RASA1: variants seen among roughly 807,000 people sequenced by gnomAD.
The protein encoded by RASA1 is ras GTPase-activating protein 1.
Under a neutral mutation model 132.2 loss-of-function variants are expected in RASA1, and 25 were observed. The ratio of observed to expected loss-of-function variants is 0.19; its 90% CI spans 0.14 to 0.26. RASA1 has a LOEUF of 0.26. Ranked by LOEUF, RASA1 falls within the 10% of genes least tolerant of loss-of-function variation. The probability of loss-of-function intolerance (pLI) is 1.00; values close to 1 mark genes in which losing one functional copy is unlikely to be tolerated. For synonymous variants in RASA1, 477 were observed against 449.9 expected, an observed-to-expected ratio of 1.06 and a Z score of -0.76; for missense variants, 964 against 1,299.2, an observed-to-expected ratio of 0.74 and a Z score of 3.97.
intron 9 of RASA1, among the ~76,000 whole-genome samples, chr5:87,361,233 A>G (rs1395552370): frequency 6.6e-6 from 1 of 152,214 alleles, no homozygotes. Flanking sequence ...TTTATGTATA[A>G]AAAACAGGTG....
chr5:87,270,483 G>T (rs1258134122), intron 1 of RASA1, among the ~76,000 whole-genome samples: 2 of 150,488 alleles, frequency 1.3e-5, no homozygotes, highest in African/African-American at 4.9e-5. Flanking sequence ...TAGTAGCTGG[G>T]ATTACAGGCG....
In RASA1 at chr5:87,380,399, G is replaced by C. The variant is rs1291595041; in HGVS notation, c.2604-110G>C. 3 of 1,003,138 alleles carry C rather than the reference G, an allele frequency of 3.0e-6. No individual in the cohort carries two copies. In the African/African-American group the frequency reaches 4.8e-5, roughly 16 times the overall value. The allele number at this position is 1,003,138 out of a possible 1,614,324, so 62.1% of individuals were successfully genotyped here. Reference sequence around the variant, plus strand: ...TGGCAAAATACTTTTTTGGGTAAAAGGCCAGTTTTATTGAACTGTGGTATA... The same window carrying C: ...TGGCAAAATACTTTTTTGGGTAAAACGCCAGTTTTATTGAACTGTGGTATA... On this transcript the variant is annotated intron_variant, in intron 19 of 24. Coordinates refer to ENST00000274376, the MANE Select transcript of RASA1 (RefSeq NM_002890.3).
intron 1 of RASA1, among the ~76,000 whole-genome samples, chr5:87,307,803 G>C (rs1297915045): frequency 6.6e-6 from 1 of 151,626 alleles, no homozygotes; most frequent in Non-Finnish European, 1.5e-5. Context: ...TGATTTACTT[G>C]TTTGTCTTCT....
chr5:87,355,955 G>A (rs1759617157), intron 9 of RASA1, among the ~76,000 whole-genome samples: 1 of 152,194 alleles, frequency 6.6e-6, no homozygotes, highest in Non-Finnish European at 1.5e-5. Context: ...AGATGTGACT[G>A]AATTACTCCA....
chr5:87,335,419 GTTTTTTTTTTT>G (rs34986349), intron 4 of RASA1, among the ~76,000 whole-genome samples: 1 of 72,924 alleles, frequency 1.4e-5, no homozygotes, highest in African/African-American at 5.5e-5. Context: ...AAAGAATGAG[GTTTTTTTTTTT>G]TTTTTTTTTT....
At chr5:87,293,396 T>C (rs943790632) in intron 1 of RASA1, among the ~76,000 whole-genome samples, 1 of 152,200 alleles carries the variant, frequency 6.6e-6, no homozygotes, top group African/African-American at 2.4e-5. Flanking sequence ...CTGACGTGAT[T>C]GATTACATTG....
At chr5:87,271,452 CTTTT>C (rs201918763) in intron 1 of RASA1, among the ~76,000 whole-genome samples, 12 of 38,224 alleles carry the variant, frequency 3.1e-4, no homozygotes, top group Admixed American at 7.6e-4. Flanking sequence ...TAGTAGACTT[CTTTT>C]TTTTTTTTTT....
intron 1 of RASA1, among the ~76,000 whole-genome samples, chr5:87,286,864 A>G (rs1258406419): frequency 2.7e-5 from 4 of 150,474 alleles, no homozygotes; most frequent in Non-Finnish European, 5.9e-5. Flanking sequence ...CCATATACAT[A>G]TACACCATAT....
chr5:87,354,727 T>C (rs1002726083), intron 9 of RASA1, among the ~76,000 whole-genome samples: 2 of 152,156 alleles, frequency 1.3e-5, no homozygotes, highest in East Asian at 3.8e-4. Flanking sequence ...AAAGCCAAAA[T>C]AGGCTGAAAG....
At chr5:87,366,362 T>C (rs1358935788) in intron 11 of RASA1, 5 of 433,948 alleles carry the variant, frequency 1.2e-5, no homozygotes, top group East Asian at 7.0e-5. Flanking sequence ...TGCAGTTAGA[T>C]TGGAAGTCTG....
intron 6 of RASA1, among the ~76,000 whole-genome samples, chr5:87,342,162 CTTTTTTT>C (rs531793273): frequency 7.2e-6 from 1 of 139,788 alleles, no homozygotes; most frequent in African/African-American, 2.6e-5. Context: ...GTTATTTTTT[CTTTTTTT>C]TTTTTTTTGA....
At chr5:87,321,581 A>C (rs533793282) in intron 1 of RASA1, among the ~76,000 whole-genome samples, 51 of 152,342 alleles carry the variant, frequency 3.3e-4, no homozygotes, top group South Asian at 8.3e-4. Flanking sequence ...GTTTATTATG[A>C]AGGATATGTT....
intron 6 of RASA1, among the ~76,000 whole-genome samples, chr5:87,342,646 G>C (rs889315875): frequency 6.6e-6 from 1 of 152,148 alleles, no homozygotes; most frequent in African/African-American, 2.4e-5. Flanking sequence ...AACACTGTAC[G>C]TGTGGTAATA....
At chr5:87,281,462 G>A (rs369367811) in intron 1 of RASA1, among the ~76,000 whole-genome samples, 1 of 152,154 alleles carries the variant, frequency 6.6e-6, no homozygotes, top group South Asian at 2.1e-4. Context: ...GTGTGAAGTA[G>A]TAACTGGTTT....
chr5:87,338,652 A>G (rs987017930), intron 5 of RASA1, among the ~76,000 whole-genome samples: 9 of 150,262 alleles, frequency 6.0e-5, no homozygotes, highest in Non-Finnish European at 1.0e-4. Flanking sequence ...GATGACAGGC[A>G]TGAGCCACAG....
intron 21 of RASA1, among the ~76,000 whole-genome samples, chr5:87,384,288 A>C (rs1163464014): frequency 6.6e-6 from 1 of 152,072 alleles, no homozygotes; most frequent in Non-Finnish European, 1.5e-5. Flanking sequence ...ACTTCAGTAA[A>C]CCTGATCCAG....
intron 9 of RASA1, among the ~76,000 whole-genome samples, chr5:87,361,417 T>C (rs1219694201): frequency 6.6e-6 from 1 of 152,196 alleles, no homozygotes; most frequent in Non-Finnish European, 1.5e-5. Context: ...GATAGAGGAT[T>C]ATGAAAATCC....
At position 87,285,618 on chromosome 5, in the gene RASA1, C is replaced by CTT. The variant is rs548410947; in HGVS notation, c.539+16644_539+16645dup. Among the ~76,000 whole-genome samples the CTT allele has an allele frequency of 3.8e-3, 474 of 126,020 alleles. 7 individuals carry two copies. The highest frequency in any genetic ancestry group is 0.013 in the African/African-American group (437 of 33,944). 82.7% of individuals were successfully genotyped at this position (126,020 alleles called of 152,430 possible). A position where few individuals can be genotyped will look rare whatever the true frequency, so the allele number is the denominator to read the frequency against. On this transcript the variant is annotated intron_variant, in intron 1 of 24. Coordinates refer to ENST00000274376, the MANE Select transcript of RASA1 (RefSeq NM_002890.3). Reference sequence around the variant, plus strand: ...TTTCAGTCAGTCTCTTTTTCTTTTTCTTTTTTTTTTTTTTTTTGAGACAAA... The same window carrying CTT: ...TTTCAGTCAGTCTCTTTTTCTTTTTCTTTTTTTTTTTTTTTTTTTGAGACAAA...
At chr5:87,307,817 A>G (rs751098579) in intron 1 of RASA1, among the ~76,000 whole-genome samples, 17 of 152,030 alleles carry the variant, frequency 1.1e-4, no homozygotes, top group African/African-American at 4.1e-4. Flanking sequence ...GTCTTCTTGT[A>G]TACTCTCTCG....
Sources: allele counts gnomAD v4.1 joint callset (sites outside exome capture counted in the v4.1 genomes callset), GRCh38; gene constraint gnomAD v4.1.1; transcripts MANE v1.5; gene names NCBI Gene and HGNC (gene_info 2026-07-23, HGNC 2026-07-21).